POM121: variants seen among roughly 807,000 people sequenced by gnomAD.
POM121 encodes the protein nuclear envelope pore membrane protein POM 121.
Under a neutral mutation model 81.3 loss-of-function variants are expected in POM121, and 32 were observed. That is an observed-to-expected ratio of 0.39 (90% CI 0.30 to 0.53). The LOEUF (loss-of-function observed/expected upper bound fraction) is 0.53. POM121 is among the 20% of genes least tolerant of loss of function. The pLI, the probability that POM121 is intolerant of heterozygous loss-of-function variation, is 0.66. For synonymous variants in POM121, 514 were observed against 694.2 expected, an observed-to-expected ratio of 0.74 and a Z score of 4.08; for missense variants, 1,138 against 1,614.6, an observed-to-expected ratio of 0.70 and a Z score of 5.06.
At position 72,946,107 on chromosome 7, in the gene POM121, C is replaced by T. The variant is rs782208441; in HGVS notation, c.3653-30C>T. 1.9e-6 allele frequency: 3 copies of T among 1,609,754 alleles called. No homozygotes were observed. The South Asian group carries it at 3.3e-5, about 18-fold the overall frequency. The stretch of plus-strand genomic sequence containing the variant: ...GAGTCAGAGTCTCAGGTAGCAGCTG[C>T]CCTGATGAGGTCTTGTTGAATCTTT... On this transcript the variant is annotated intron_variant, in intron 12 of 12. Transcript: ENST00000434423.
chr7:72,898,478 G>A (rs1365541457), intron 3 of POM121, among the ~76,000 whole-genome samples: 1 of 152,126 alleles, frequency 6.6e-6, no homozygotes, highest in African/African-American at 2.4e-5. Flanking sequence ...TTTGAGTTTA[G>A]GGATGAGATT....
chr7:72,950,037 T>C, downstream of POM121: 1 of 1,550,324 alleles, frequency 6.5e-7, no homozygotes. Flanking sequence ...CATTCTTCCC[T>C]TTTCTATTCC....
intron 5 of POM121, among the ~76,000 whole-genome samples, chr7:72,934,768 A>G (rs1437223226): frequency 3.9e-5 from 6 of 152,120 alleles, no homozygotes; most frequent in Admixed American, 6.5e-5. Context: ...TTCTCTTAGC[A>G]ACATTTATTG....
At chr7:72,896,738 C>G (rs1471625269) in intron 3 of POM121, among the ~76,000 whole-genome samples, 1 of 151,234 alleles carries the variant, frequency 6.6e-6, no homozygotes, top group African/African-American at 2.4e-5. Context: ...GCCATGACTC[C>G]CACTGTTTAC....
chr7:72,915,889 T>G (rs1794251099), intron 4 of POM121, among the ~76,000 whole-genome samples: 1 of 152,210 alleles, frequency 6.6e-6, no homozygotes, highest in Non-Finnish European at 1.5e-5. Flanking sequence ...TTTTTAGTCT[T>G]GAACTCCTGA....
At chr7:72,921,189 T>A (rs572668642), upstream of POM121, among the ~76,000 whole-genome samples, 85 of 151,934 alleles carry the variant, frequency 5.6e-4, no homozygotes, top group Non-Finnish European at 1.0e-3. Flanking sequence ...TCTCAAAAAA[T>A]AAAAATCAGT....
At chr7:72,881,693 G>A (rs1790173287) in intron 1 of POM121, among the ~76,000 whole-genome samples, 1 of 152,082 alleles carries the variant, frequency 6.6e-6, no homozygotes, top group Non-Finnish European at 1.5e-5. Context: ...GCAGTGGCAT[G>A]ATCTCGCTTC....
At chr7:72,916,751 TG>T (rs1167500871) in intron 4 of POM121, among the ~76,000 whole-genome samples, 1 of 152,242 alleles carries the variant, frequency 6.6e-6, no homozygotes, top group East Asian at 1.9e-4. Context: ...TAAATTATTT[TG>T]GGTAGTATAG....
chr7:72,889,538 G>A (rs1172484937), intron 1 of POM121, among the ~76,000 whole-genome samples: 6 of 151,162 alleles, frequency 4.0e-5, no homozygotes, highest in East Asian at 3.9e-4. Context: ...ACAAGGTCTC[G>A]CTCTGTTGCC....
intron 1 of POM121, among the ~76,000 whole-genome samples, chr7:72,886,218 G>C (rs1322799600): frequency 6.6e-6 from 1 of 151,926 alleles, no homozygotes; most frequent in African/African-American, 2.4e-5. Context: ...CTGTCCCCCA[G>C]GCTGGAGTGC....
At chr7:72,940,242 T>C (rs1439450204) in intron 8 of POM121, among the ~76,000 whole-genome samples, 172 bp from the exon 9 acceptor site, 2 of 149,772 alleles carry the variant, frequency 1.3e-5, no homozygotes, top group Non-Finnish European at 2.9e-5. Flanking sequence ...TTTTTTGTGT[T>C]TTTAGTAGAG....
At position 72,890,904 on chromosome 7, in the gene POM121, G is replaced by A. The variant is rs1385932894; in HGVS notation, c.-393-29G>A. 1.4e-5 allele frequency: 15 copies of A among 1,104,044 alleles called. No homozygotes were observed. In the East Asian group the frequency reaches 3.6e-4, roughly 26 times the overall value. 68.4% of individuals were successfully genotyped at this position (1,104,044 alleles called of 1,614,324 possible). ...ATTGAAAGGTTCTAACTTTGATAAG[G>A]TAAAAAATGGAGCATTTCTGTTATG... On this transcript the variant is annotated intron_variant, in intron 2 of 15. Transcript: ENST00000395270.
At chr7:72,924,271 TCTTC>T (rs1212011942), upstream of POM121, 3 of 152,184 alleles carry the variant, frequency 2.0e-5, no homozygotes, top group East Asian at 5.8e-4. Context: ...TACTTACACA[TCTTC>T]CTAACTAAAC....
chr7:72,888,377 T>C (rs1554490384), intron 1 of POM121, among the ~76,000 whole-genome samples: 2 of 152,204 alleles, frequency 1.3e-5, no homozygotes, highest in Non-Finnish European at 2.9e-5. Context: ...TTTGTCGTTG[T>C]TTTTGGATTT....
chr7:72,944,619 G>C (rs1797477453), intron 11 of POM121, among the ~76,000 whole-genome samples: 2 of 152,120 alleles, frequency 1.3e-5, no homozygotes, highest in Admixed American at 1.3e-4. Context: ...CCCGGCCATG[G>C]AGACCCCAGC....
At chr7:72,903,214 T>C (rs1554492956) in intron 3 of POM121, among the ~76,000 whole-genome samples, 1 of 152,194 alleles carries the variant, frequency 6.6e-6, no homozygotes, top group Non-Finnish European at 1.5e-5. Context: ...GGTGGGCAGA[T>C]TGCCTGAGGT....
At chr7:72,918,244 G>A (rs1475239258) in intron 4 of POM121, among the ~76,000 whole-genome samples, 1 of 152,038 alleles carries the variant, frequency 6.6e-6, no homozygotes. Flanking sequence ...CTCCCCCGGG[G>A]AAAGGGAGAC....
intron 3 of POM121, among the ~76,000 whole-genome samples, chr7:72,901,489 G>A (rs185266067): frequency 6.6e-6 from 1 of 151,814 alleles, no homozygotes; most frequent in African/African-American, 2.4e-5. Context: ...AGAGTAGCTG[G>A]GATTACAGGC....
intron 3 of POM121, among the ~76,000 whole-genome samples, chr7:72,913,287 T>C (rs1176565837): frequency 6.6e-6 from 1 of 152,230 alleles, no homozygotes; most frequent in Non-Finnish European, 1.5e-5. Context: ...CCACCTCCAC[T>C]GCGTCGGGAC....
Sources: gnomAD v4.1 joint callset for allele counts (sites outside exome capture counted in the v4.1 genomes callset) on GRCh38, gnomAD v4.1.1 for gene constraint, MANE v1.5 for transcripts, NCBI Gene and HGNC (gene_info 2026-07-23, HGNC 2026-07-21) for gene names.